Variants in CSMD1 observed in about 807,000 individuals in gnomAD.
The protein encoded by CSMD1 is CUB and sushi domain-containing protein 1.
Under a neutral mutation model 417.5 loss-of-function variants are expected in CSMD1, and 213 were observed. The observed-to-expected ratio is 0.51, with a 90% confidence interval of 0.46 to 0.57. The LOEUF (loss-of-function observed/expected upper bound fraction) is 0.57, where lower values mean the gene tolerates loss of function less well. Ranked by LOEUF, CSMD1 falls within the 20% of genes least tolerant of loss-of-function variation. The pLI, the probability that CSMD1 is intolerant of heterozygous loss-of-function variation, is 0.00. For missense variants in CSMD1, 6,923 were observed against 4,529.7 expected (o/e 1.53, Z -15.17); for synonymous variants, 2,862 against 1,736.8 (o/e 1.65, Z -16.11).
intron 1 of CSMD1, among the ~76,000 whole-genome samples, chr8:4,864,951 A>G (rs986264089): frequency 1.4e-5 from 1 of 71,756 alleles, no homozygotes; most frequent in Non-Finnish European, 3.4e-5. Flanking sequence ...ATTCTGAAAG[A>G]CATATTTAAA....
intron 3 of CSMD1, among the ~76,000 whole-genome samples, chr8:4,323,554 T>C (rs957287541): frequency 1.3e-5 from 2 of 152,128 alleles, no homozygotes; most frequent in African/African-American, 4.8e-5. Flanking sequence ...TGATCTATAT[T>C]GGGTCATATA....
intron 10 of CSMD1, among the ~76,000 whole-genome samples, chr8:3,524,947 T>C (rs930772759): frequency 2.6e-5 from 4 of 152,120 alleles, no homozygotes; most frequent in African/African-American, 9.7e-5. Flanking sequence ...AAAATGTTTC[T>C]AAAAAGCACA....
At chr8:4,330,420 C>T (rs1351498379) in intron 3 of CSMD1, among the ~76,000 whole-genome samples, 1 of 151,880 alleles carries the variant, frequency 6.6e-6, no homozygotes, top group Non-Finnish European at 1.5e-5. Flanking sequence ...ATGAAGAAAT[C>T]CCACACCAAA....
intron 17 of CSMD1, among the ~76,000 whole-genome samples, chr8:3,393,951 C>T (rs1458014155): frequency 7.2e-6 from 1 of 138,588 alleles, no homozygotes; most frequent in African/African-American, 2.7e-5. Flanking sequence ...AACAAACCTG[C>T]ACGTTGTGCA....
intron 2 of CSMD1, among the ~76,000 whole-genome samples, chr8:4,468,660 G>C (rs1392579060): frequency 1.3e-5 from 2 of 152,140 alleles, no homozygotes; most frequent in East Asian, 1.9e-4. Flanking sequence ...AACCTAGGTA[G>C]ATCTCCTCCC....
At position 4,749,999 on chromosome 8, in the gene CSMD1, A is replaced by C. The variant is rs1023315755; in HGVS notation, c.86-112441T>G. Among the ~76,000 whole-genome samples, 4 of 151,766 alleles carry C rather than the reference A, an allele frequency of 2.6e-5. No individual in the cohort carries two copies. In the South Asian group the frequency reaches 8.3e-4, roughly 32 times the overall value. On this transcript the variant is annotated intron_variant, in intron 1 of 69. Coordinates refer to ENST00000635120, the MANE Select transcript of CSMD1 (RefSeq NM_033225.6). ...ATAAAACCCTTGTTTAATTGAAAAA[A>C]AAATAATAATTATTATTATTTTTTT...
intron 6 of CSMD1, among the ~76,000 whole-genome samples, chr8:3,719,580 T>A (rs1802030279): frequency 6.6e-6 from 1 of 152,120 alleles, no homozygotes; most frequent in South Asian, 2.1e-4. Context: ...ATAATACATC[T>A]CTTGCAAGAG....
chr8:3,050,549 A>G (rs576247496), intron 50 of CSMD1, among the ~76,000 whole-genome samples: 322 of 152,310 alleles, frequency 2.1e-3, no homozygotes, highest in African/African-American at 7.4e-3. Context: ...TTGAGAGAAT[A>G]GTTCTGTTTA....
rs373759666 is a variant in CSMD1, at chr8:3,361,883, G to C, written c.3116-2543C>G. 3.9e-5 allele frequency among the ~76,000 whole-genome samples: 6 copies of C among 152,242 alleles called. No homozygotes were observed. The East Asian group carries it at 7.7e-4, about 20-fold the overall frequency. On this transcript the variant is annotated intron_variant, in intron 20 of 69. Transcript: ENST00000635120. Reference sequence around the variant, plus strand: ...CCATGAGGTTAGAAGGTGTGTGTTAGTTGTAACCATCTTGATTAGGCTTTC... The same window carrying C: ...CCATGAGGTTAGAAGGTGTGTGTTACTTGTAACCATCTTGATTAGGCTTTC...
intron 12 of CSMD1, among the ~76,000 whole-genome samples, chr8:3,443,698 C>A (rs1436739200): frequency 6.6e-6 from 1 of 152,100 alleles, no homozygotes; most frequent in Non-Finnish European, 1.5e-5. Flanking sequence ...TTAAAGCAAT[C>A]TAAAATGTTT....
Position 4,446,353 on chromosome 8 carries a change from G to C in CSMD1, c.303-26288C>G, listed in dbSNP as rs147679652. 1.7e-3 allele frequency among the ~76,000 whole-genome samples: 261 copies of C among 152,170 alleles called. 1 individual carries two copies. Among genetic ancestry groups the C allele is most frequent in the African/African-American group, 6.1e-3 (252 of 41,510 alleles). ...GCTTGAGCCCAGGAGTTTGAAACCA[G>C]CCTGGGCAACATGGCAGAACCCCAA... On this transcript the variant is annotated intron_variant, in intron 2 of 69. Coordinates refer to ENST00000635120, the MANE Select transcript of CSMD1 (RefSeq NM_033225.6).
intron 1 of CSMD1, among the ~76,000 whole-genome samples, chr8:4,832,899 A>G (rs1260978940): frequency 6.6e-6 from 1 of 152,136 alleles, no homozygotes; most frequent in Non-Finnish European, 1.5e-5. Flanking sequence ...GCTCCGAACT[A>G]GCTCAAGCAC....
At chr8:3,380,751 G>A (rs938267251) in intron 18 of CSMD1, among the ~76,000 whole-genome samples, 2 of 152,234 alleles carry the variant, frequency 1.3e-5, no homozygotes, top group African/African-American at 4.8e-5. Context: ...GAGAATGCAG[G>A]GCTAGGGGAG....
chr8:3,343,510 T>A, intron 22 of CSMD1, 60 bp from the exon 23 acceptor site: 2 of 1,460,118 alleles, frequency 1.4e-6, no homozygotes, highest in South Asian at 2.4e-5. Flanking sequence ...ATGTTAGCAA[T>A]GGTAATAAAC....
intron 14 of CSMD1, among the ~76,000 whole-genome samples, chr8:3,407,441 A>T (rs1436004069): frequency 6.6e-6 from 1 of 151,948 alleles, no homozygotes; most frequent in East Asian, 1.9e-4. Context: ...AGATGGAAGG[A>T]TGGATGGAAA....
chr8:4,344,262 T>A (rs1212234775), intron 3 of CSMD1, among the ~76,000 whole-genome samples: 2 of 152,146 alleles, frequency 1.3e-5, no homozygotes, highest in Non-Finnish European at 2.9e-5. Context: ...TTTACACGTG[T>A]TCATTCAATT....
chr8:4,040,548 G>A (rs1377305086), intron 3 of CSMD1, among the ~76,000 whole-genome samples: 1 of 152,190 alleles, frequency 6.6e-6, no homozygotes, highest in Non-Finnish European at 1.5e-5. Flanking sequence ...GATAAAGTGT[G>A]ATTAGATCTA....
chr8:3,317,462 C>T (rs567725988), intron 23 of CSMD1, among the ~76,000 whole-genome samples: 1 of 152,242 alleles, frequency 6.6e-6, no homozygotes, highest in South Asian at 2.1e-4. Context: ...CTCTGTTGTT[C>T]TGGTGCCTGT....
chr8:3,321,918 G>A (rs1020190071), intron 23 of CSMD1, among the ~76,000 whole-genome samples: 2 of 152,178 alleles, frequency 1.3e-5, no homozygotes, highest in African/African-American at 4.8e-5. Context: ...GGGAATTTCA[G>A]AATGGATTCA....
Sources: allele counts gnomAD v4.1 joint callset (sites outside exome capture counted in the v4.1 genomes callset), GRCh38; gene constraint gnomAD v4.1.1; transcripts MANE v1.5; gene names NCBI Gene and HGNC (gene_info 2026-07-23, HGNC 2026-07-21).